Variants in MYO18B observed in about 807,000 individuals in gnomAD.
The protein encoded by MYO18B is unconventional myosin-XVIIIb.
A neutral mutation model predicts 273.0 loss-of-function variants in MYO18B; 204 were observed. The observed-to-expected ratio is 0.75, with a 90% CI of 0.67 to 0.84. The LOEUF is 0.84. Ranked by LOEUF, MYO18B falls within the 40% of genes least tolerant of loss-of-function variation. The pLI is 0.00. For missense variants in MYO18B, 3,212 were observed against 3,287.6 expected, an observed-to-expected ratio of 0.98 and a Z score of 0.56; for synonymous variants, 1,330 against 1,305.7, an observed-to-expected ratio of 1.02 and a Z score of -0.40.
intron 40 of MYO18B, among the ~76,000 whole-genome samples, chr22:26,002,091 C>T (rs1934009466): frequency 6.6e-6 from 1 of 152,192 alleles, no homozygotes; most frequent in South Asian, 2.1e-4. Context: ...CATTATTCTG[C>T]CTCCTACAAG....
intron 21 of MYO18B, among the ~76,000 whole-genome samples, chr22:25,866,176 C>T (rs2090880330): frequency 6.6e-6 from 1 of 151,258 alleles, no homozygotes; most frequent in East Asian, 1.9e-4. Flanking sequence ...CCTTTTGCTT[C>T]CTGAGCATTG....
At chr22:25,902,353 T>G (rs894351117) in intron 29 of MYO18B, among the ~76,000 whole-genome samples, 2 of 152,168 alleles carry the variant, frequency 1.3e-5, no homozygotes, top group African/African-American at 2.4e-5. Context: ...TATCGAATAG[T>G]TCTGTGGCAA....
In MYO18B at chr22:25,784,117, T is replaced by C. The variant is rs188823740; in HGVS notation, c.2313-1311T>C. On this transcript the variant is annotated intron_variant, in intron 10 of 43. Transcript: ENST00000335473. Reference sequence around the variant, plus strand: ...GCTCCTCAGTTTCTCCTTTATACTGTTTTGGTGCCTGGTATGTGCTTCTGG... The same window carrying C: ...GCTCCTCAGTTTCTCCTTTATACTGCTTTGGTGCCTGGTATGTGCTTCTGG... Among the ~76,000 whole-genome samples the C allele has an allele frequency of 4.1e-4, 63 of 152,336 alleles. 1 individual carries two copies. Among genetic ancestry groups the C allele is most frequent in the African/African-American group, 1.5e-3 (62 of 41,586 alleles).
chr22:25,746,589 A>G (rs139352039), intron 1 of MYO18B, among the ~76,000 whole-genome samples: 96 of 152,326 alleles, frequency 6.3e-4, no homozygotes, highest in African/African-American at 2.2e-3. Context: ...AAAAATGTCC[A>G]TTGGCAGGCA....
intron 6 of MYO18B, 80 bp from the exon 7 acceptor site, chr22:25,772,254 T>G (rs2086746816): frequency 4.7e-6 from 6 of 1,269,392 alleles, no homozygotes; most frequent in East Asian, 2.7e-5. Context: ...TAGTGTGTGT[T>G]TGGTTGCGGG....
chr22:25,906,721 G>A (rs2092052044), intron 31 of MYO18B, among the ~76,000 whole-genome samples: 1 of 152,106 alleles, frequency 6.6e-6, no homozygotes, highest in South Asian at 2.1e-4. Context: ...GGCTGGGGAG[G>A]CCTCAGGAAA....
chr22:25,927,533 C>T (rs1210521496), intron 34 of MYO18B, among the ~76,000 whole-genome samples: 1 of 152,162 alleles, frequency 6.6e-6, no homozygotes, highest in Non-Finnish European at 1.5e-5. Flanking sequence ...GACAATGGTG[C>T]CTGAAACTTC....
chr22:26,045,341 G>C, the MYO18B span, among the ~76,000 whole-genome samples: 1 of 152,146 alleles, frequency 6.6e-6, no homozygotes, highest in East Asian at 1.9e-4. Flanking sequence ...AAACAGACAC[G>C]TAGATGGAGT....
rs556602457 is a variant in MYO18B, at chr22:26,026,558, A to G, written c.6584A>G (p.His2195Arg). ...KTSGDKPVSP[H>R]FVRRQKYCHF... ...TCAGGAGACAAGCCTGTTTCTCCCC[A>G]CTTTGTCCGCCGGCAAAAGTACTGT... The change falls in exon 43 of 44, where the codon CAC becomes CGC. Residue 2195 changes from histidine (H) to arginine (R), a missense_variant. Coordinates refer to ENST00000335473, the MANE Select transcript of MYO18B (RefSeq NM_032608.7). 9.3e-6 allele frequency: 15 copies of G among 1,613,784 alleles called. No homozygotes were observed. The East Asian group carries it at 3.3e-4, about 36-fold the overall frequency.
chr22:25,944,397 C>G (rs1211442835), intron 34 of MYO18B, among the ~76,000 whole-genome samples: 2 of 152,160 alleles, frequency 1.3e-5, no homozygotes, highest in Non-Finnish European at 2.9e-5. Context: ...CCATCCCTCT[C>G]TGAGCCCCGA....
intron 22 of MYO18B, among the ~76,000 whole-genome samples, chr22:25,873,116 A>G (rs1417570333): frequency 2.0e-5 from 3 of 152,086 alleles, no homozygotes; most frequent in African/African-American, 7.2e-5. Context: ...AAAGCATTTA[A>G]CTCAAACCTC....
intron 8 of MYO18B, among the ~76,000 whole-genome samples, chr22:25,779,156 A>G (rs1389301334): frequency 6.6e-6 from 1 of 152,150 alleles, no homozygotes; most frequent in African/African-American, 2.4e-5. Context: ...ACTTCTAAGA[A>G]TCAGTTTTTG....
chr22:26,010,692 C>T (rs1297963282), intron 42 of MYO18B, among the ~76,000 whole-genome samples: 1 of 152,106 alleles, frequency 6.6e-6, no homozygotes. Context: ...CCAGAGCAGG[C>T]CAGGTAATGC....
chr22:25,819,159 T>C (rs2145869380), intron 12 of MYO18B, among the ~76,000 whole-genome samples: 1 of 152,334 alleles, frequency 6.6e-6, no homozygotes, highest in South Asian at 2.1e-4. Context: ...TAGTAGAAGA[T>C]GCTTTTCCTG....
chr22:25,938,382 A>G (rs1432781667), intron 34 of MYO18B, among the ~76,000 whole-genome samples: 1 of 152,194 alleles, frequency 6.6e-6, no homozygotes, highest in African/African-American at 2.4e-5. Context: ...GGGTGAGGGG[A>G]GAGAATGCCT....
chr22:25,778,811 T>C (rs1189824919), intron 8 of MYO18B, among the ~76,000 whole-genome samples: 1 of 146,356 alleles, frequency 6.8e-6, no homozygotes, highest in African/African-American at 2.5e-5. Flanking sequence ...TTTTTTTTAA[T>C]CTAAAACAGC....
At chr22:25,841,740 C>A (rs1668186061) in intron 17 of MYO18B, among the ~76,000 whole-genome samples, 1 of 152,246 alleles carries the variant, frequency 6.6e-6, no homozygotes. Context: ...TCACGATCCT[C>A]ATTCAGAGCT....
rs572682925 is a variant in MYO18B at position 25,891,063 on chromosome 22, A to G, written c.4434+188A>G. On this transcript the variant is annotated intron_variant, in intron 26 of 43. Transcript: ENST00000335473. ...TTGGCCTTGGGGGTGTTATGGGTGG[A>G]TAGTCCCTGGCTAGAGAGGCGAATA... 1.8e-3 allele frequency among the ~76,000 whole-genome samples: 274 copies of G among 152,212 alleles called. 2 individuals are homozygous for G. Among genetic ancestry groups the G allele is most frequent in the African/African-American group, 6.0e-3 (249 of 41,532 alleles).
rs543930682 is a variant in MYO18B at position 25,825,430 on chromosome 22, A to T, written c.2696-979A>T. Reference sequence around the variant, plus strand: ...TTTTCAATTTTTTAGATAGAACTGAAACTTAAGGGACGGAATTTGTGATCT... The same window carrying T: ...TTTTCAATTTTTTAGATAGAACTGATACTTAAGGGACGGAATTTGTGATCT... On this transcript the variant is annotated intron_variant, in intron 13 of 43. Transcript: ENST00000335473. Among the ~76,000 whole-genome samples, 4 of 151,918 alleles carry T rather than the reference A, an allele frequency of 2.6e-5. No homozygotes were observed. In the East Asian group the frequency reaches 7.8e-4, roughly 30 times the overall value.
Sources: gnomAD v4.1 joint callset for allele counts (sites outside exome capture counted in the v4.1 genomes callset) on GRCh38, gnomAD v4.1.1 for gene constraint, MANE v1.5 for transcripts, NCBI Gene and HGNC (gene_info 2026-07-23, HGNC 2026-07-21) for gene names.